The following WDR70 variants were observed in gnomAD, a reference collection of about 807,000 sequenced individuals.
The protein encoded by WDR70 is WD repeat domain 70.
A neutral mutation model predicts 88.6 loss-of-function variants in WDR70; 53 were observed. That is an observed-to-expected ratio of 0.60 (90% confidence interval 0.48 to 0.75). The LOEUF is 0.75. Ranked by LOEUF, WDR70 falls within the 30% of genes least tolerant of loss-of-function variation. The probability of loss-of-function intolerance (pLI) is 0.00; values close to 1 mark genes in which losing one functional copy is unlikely to be tolerated. For missense variants in WDR70, 610 were observed against 823.2 expected, an observed-to-expected ratio of 0.74 and a Z score of 3.17; for synonymous variants, 280 against 270.0, an observed-to-expected ratio of 1.04 and a Z score of -0.36.
chr5:37,475,847 T>TA (rs201594749), intron 7 of WDR70, among the ~76,000 whole-genome samples: 2,186 of 149,232 alleles, frequency 0.015, 51 homozygotes, highest in African/African-American at 0.051. Context: ...TTACATATTT[T>TA]TTTTTTTTTT....
At chr5:37,600,549 A>ATC (rs1743849028) in intron 9 of WDR70, among the ~76,000 whole-genome samples, 2 of 143,972 alleles carry the variant, frequency 1.4e-5, no homozygotes, top group Admixed American at 1.4e-4. Flanking sequence ...AAAAAAGAAC[A>ATC]TCTAGAATTC....
intron 10 of WDR70, among the ~76,000 whole-genome samples, chr5:37,678,616 G>T (rs1746312135): frequency 6.6e-6 from 1 of 152,078 alleles, no homozygotes; most frequent in South Asian, 2.1e-4. Context: ...TAGTCTGATG[G>T]GCTTCCCTTT....
At chr5:37,532,927 T>C (rs1385904146) in intron 9 of WDR70, among the ~76,000 whole-genome samples, 1 of 152,188 alleles carries the variant, frequency 6.6e-6, no homozygotes, top group Non-Finnish European at 1.5e-5. Context: ...AAGGTGGCTG[T>C]TCAGATTCTT....
chr5:37,736,335 T>G (rs1287796223), intron 17 of WDR70, among the ~76,000 whole-genome samples: 1 of 152,174 alleles, frequency 6.6e-6, no homozygotes, highest in Admixed American at 6.5e-5. Context: ...TATATGAATA[T>G]GTGTGTATGT....
chr5:37,733,036 G>A (rs1748196488), intron 17 of WDR70, among the ~76,000 whole-genome samples: 1 of 151,952 alleles, frequency 6.6e-6, no homozygotes, highest in African/African-American at 2.4e-5. Flanking sequence ...CTACAAATTT[G>A]ATGTCTTAAA....
chr5:37,407,502 G>GT (rs11436081), intron 5 of WDR70, among the ~76,000 whole-genome samples: 20,391 of 151,992 alleles, frequency 0.13, 4,484 homozygotes, highest in African/African-American at 0.46. Context: ...TCCAGGCTGG[G>GT]TGACAGTGAG....
chr5:37,589,171 G>A (rs942623601), intron 9 of WDR70, among the ~76,000 whole-genome samples: 15 of 151,554 alleles, frequency 9.9e-5, no homozygotes, highest in African/African-American at 3.6e-4. Context: ...GGGTTTATAG[G>A]TGTGAACCAC....
intron 4 of WDR70, among the ~76,000 whole-genome samples, chr5:37,392,332 C>T (rs1439679538): frequency 1.3e-5 from 2 of 151,422 alleles, no homozygotes; most frequent in Non-Finnish European, 2.9e-5. Context: ...TACAGGCATG[C>T]GCTACCACCC....
intron 12 of WDR70, among the ~76,000 whole-genome samples, chr5:37,702,597 A>G (rs567128808): frequency 1.2e-3 from 181 of 152,336 alleles, no homozygotes; most frequent in Non-Finnish European, 2.0e-3. Context: ...CTTAATGTCT[A>G]TATTGAGTCT....
chr5:37,471,809 T>C (rs558594634), intron 7 of WDR70, among the ~76,000 whole-genome samples: 1 of 152,142 alleles, frequency 6.6e-6, no homozygotes, highest in Non-Finnish European at 1.5e-5. Context: ...GGACAAAGAT[T>C]TATTATTTAC....
chr5:37,708,408 A>G (rs932515993), intron 13 of WDR70, among the ~76,000 whole-genome samples: 9 of 151,994 alleles, frequency 5.9e-5, no homozygotes, highest in African/African-American at 2.2e-4. Flanking sequence ...AATGTTATAT[A>G]TAACATATAA....
At chr5:37,697,957 T>A (rs1747031579) in intron 11 of WDR70, 2 of 465,200 alleles carry the variant, frequency 4.3e-6, no homozygotes, top group South Asian at 6.3e-5. Flanking sequence ...AATGTTTAAA[T>A]ATTTACTTTT....
At chr5:37,559,024 C>T (rs1322529365) in intron 9 of WDR70, among the ~76,000 whole-genome samples, 2 of 151,776 alleles carry the variant, frequency 1.3e-5, no homozygotes, top group African/African-American at 4.8e-5. Flanking sequence ...ACCTCTGCCT[C>T]TCAGGTTCAA....
chr5:37,655,035 A>G (rs141290772), intron 10 of WDR70, among the ~76,000 whole-genome samples: 162 of 152,186 alleles, frequency 1.1e-3, no homozygotes, highest in Non-Finnish European at 1.9e-3. Context: ...CAGTTTCTTC[A>G]TGGTTTTGAT....
rs549466638 is a variant in WDR70 at position 37,439,081 on chromosome 5, C to G, written c.552+1100C>G. 8.0e-3 allele frequency among the ~76,000 whole-genome samples: 1,217 copies of G among 152,090 alleles called. 19 individuals carry two copies. The highest frequency in any genetic ancestry group is 0.028 in the African/African-American group (1,153 of 41,504). ...TACAGGTGCCCGCCACCACACCTGG[C>G]TAATTTTTTTGTATTTTTGGTAGAG... On this transcript the variant is annotated intron_variant, in intron 6 of 17. Transcript: ENST00000265107.
chr5:37,482,681 A>G (rs1739709637), intron 8 of WDR70, among the ~76,000 whole-genome samples: 1 of 152,182 alleles, frequency 6.6e-6, no homozygotes, highest in South Asian at 2.1e-4. Flanking sequence ...ACAAACATGG[A>G]AATTAATTAA....
chr5:37,632,748 G>T (rs1744852549), intron 10 of WDR70, among the ~76,000 whole-genome samples: 1 of 152,206 alleles, frequency 6.6e-6, no homozygotes, highest in South Asian at 2.1e-4. Context: ...ATTGAAGAAA[G>T]AAAAACACTT....
chr5:37,531,538 TATG>T (rs2112306218), intron 9 of WDR70, among the ~76,000 whole-genome samples: 1 of 151,988 alleles, frequency 6.6e-6, no homozygotes, highest in African/African-American at 2.4e-5. Context: ...TTTATCATTA[TATG>T]ATATCATTCT....
intron 10 of WDR70, among the ~76,000 whole-genome samples, chr5:37,653,889 G>A (rs1349005304): frequency 2.0e-5 from 3 of 151,794 alleles, no homozygotes; most frequent in East Asian, 1.9e-4. Flanking sequence ...TTAAAAAACC[G>A]GCTCCTGGAT....
Sources: allele counts gnomAD v4.1 joint callset (sites outside exome capture counted in the v4.1 genomes callset), GRCh38; gene constraint gnomAD v4.1.1; transcripts MANE v1.5; gene names NCBI Gene and HGNC (gene_info 2026-07-23, HGNC 2026-07-21).